The following PDE10A variants were observed in gnomAD, a reference collection of about 807,000 sequenced individuals.
The protein encoded by PDE10A is cAMP and cAMP-inhibited cGMP 3',5'-cyclic phosphodiesterase 10A.
Under a neutral mutation model 97.7 loss-of-function variants are expected in PDE10A, and 39 were observed. The observed-to-expected ratio is 0.40, with a 90% CI of 0.31 to 0.52. PDE10A has a LOEUF of 0.52. PDE10A is among the 20% of genes least tolerant of loss of function. The pLI, the probability that PDE10A is intolerant of heterozygous loss-of-function variation, is 0.56. For missense variants in PDE10A, 731 were observed against 1,047.8 expected (o/e 0.70, Z 4.17); for synonymous variants, 371 against 376.8 (o/e 0.98, Z 0.18).
chr6:165,392,588 C>A (rs953192307), intron 16 of PDE10A, 58 bp downstream of exon 16: 50 of 1,507,590 alleles, frequency 3.3e-5, no homozygotes, highest in Non-Finnish European at 3.8e-5. Flanking sequence ...GTGCTCCTGA[C>A]ACACAGTATT....
intron 1 of PDE10A, among the ~76,000 whole-genome samples, chr6:165,886,870 C>T (rs1781644842): frequency 6.6e-6 from 1 of 152,180 alleles, no homozygotes; most frequent in South Asian, 2.1e-4. Context: ...CACTGGGAAG[C>T]ATAATGCCAT....
At chr6:165,446,651 G>A (rs1790869303) in intron 5 of PDE10A, among the ~76,000 whole-genome samples, 1 of 152,202 alleles carries the variant, frequency 6.6e-6, no homozygotes, top group Non-Finnish European at 1.5e-5. Context: ...TGTAATCACA[G>A]ACTCAGCTAT....
At chr6:165,692,119 T>G (rs1046430251) in intron 1 of PDE10A, among the ~76,000 whole-genome samples, 1 of 152,192 alleles carries the variant, frequency 6.6e-6, no homozygotes, top group African/African-American at 2.4e-5. Context: ...TAGACCTGGT[T>G]CCTGGGCCGG....
At chr6:165,621,671 G>A (rs897453301) in intron 1 of PDE10A, among the ~76,000 whole-genome samples, 4 of 151,930 alleles carry the variant, frequency 2.6e-5, no homozygotes, top group South Asian at 2.1e-4. Context: ...CACCAGAATC[G>A]CTTGAACCTG....
intron 3 of PDE10A, among the ~76,000 whole-genome samples, chr6:165,457,319 G>A (rs187518402): frequency 4.7e-5 from 7 of 148,434 alleles, no homozygotes; most frequent in Admixed American, 2.7e-4. Context: ...TTCGTAATTC[G>A]AGACGAGTTA....
In PDE10A at chr6:165,336,734, C is replaced by T. The variant is rs909127703; in HGVS notation, c.2977-523G>A. 6.3e-5 allele frequency among the ~76,000 whole-genome samples: 8 copies of T among 127,638 alleles called. No homozygotes were observed. The East Asian group carries it at 9.3e-4, about 15-fold the overall frequency. The allele number at this position is 127,638 out of a possible 152,430, so 83.7% of individuals were successfully genotyped here. A position where few individuals can be genotyped will look rare whatever the true frequency, so the allele number is the denominator to read the frequency against. ...ACTGCAGTCCGCAGTCCGGCCTGGG[C>T]GACAGAGCGAGACTCCGTCTCAAAA... On this transcript the variant is annotated intron_variant, in intron 20 of 21. Transcript: ENST00000539869.
rs1790265176 is a variant in PDE10A, at chr6:165,661,595, T to C, written c.865+352A>G. 4.0e-6 allele frequency: 1 copy of C among 249,868 alleles called. No homozygotes were observed. The highest frequency in any genetic ancestry group is 2.3e-5 in the African/African-American group (1 of 43,988). 15.5% of individuals were successfully genotyped at this position (249,868 alleles called of 1,614,324 possible). A position where few individuals can be genotyped will look rare whatever the true frequency, so the allele number is the denominator to read the frequency against. ...GGGAGGAACCTAAGTGGTCACAAAG[T>C]TGAGTATAAATACGCGCCGGACAAG... On this transcript the variant is annotated intron_variant, in intron 1 of 21. Coordinates refer to ENST00000539869, the MANE Select transcript of PDE10A (RefSeq NM_001385079.1). This position sits in a 1 kb window ranked among gnomAD's most constrained non-coding sequence, Gnocchi z 4.8.
At chr6:165,421,166 G>A (rs1788665877) in intron 10 of PDE10A, among the ~76,000 whole-genome samples, 1 of 152,212 alleles carries the variant, frequency 6.6e-6, no homozygotes. Flanking sequence ...ATGAGCCTGG[G>A]TGTGGTGGCT....
intron 1 of PDE10A, among the ~76,000 whole-genome samples, chr6:165,726,636 C>G (rs1792303689): frequency 6.6e-6 from 1 of 152,188 alleles, no homozygotes; most frequent in Admixed American, 6.5e-5. Flanking sequence ...GGCCCGCATC[C>G]TTGTCTGTTC....
At chr6:165,336,507 T>C (rs1398306982) in intron 20 of PDE10A, among the ~76,000 whole-genome samples, 2 of 151,878 alleles carry the variant, frequency 1.3e-5, no homozygotes, top group Non-Finnish European at 2.9e-5. Flanking sequence ...CCCAGCACTT[T>C]GGGAGGCCGA....
At chr6:165,494,782 G>C (rs1780445484) in intron 2 of PDE10A, among the ~76,000 whole-genome samples, 1 of 152,164 alleles carries the variant, frequency 6.6e-6, no homozygotes, top group East Asian at 1.9e-4. Context: ...TAAGTAGCCT[G>C]CTTTCTGTGC....
intron 1 of PDE10A, among the ~76,000 whole-genome samples, chr6:165,736,298 T>G (rs1342694954): frequency 6.6e-6 from 1 of 152,188 alleles, no homozygotes; most frequent in African/African-American, 2.4e-5. Flanking sequence ...ACCATCCACA[T>G]GCAAAAATGG....
chr6:165,605,956 T>C (rs1055744092), intron 1 of PDE10A, among the ~76,000 whole-genome samples: 1 of 152,146 alleles, frequency 6.6e-6, no homozygotes, highest in Non-Finnish European at 1.5e-5. Flanking sequence ...TGTTTCTCCC[T>C]ATAATATCCT....
At chr6:165,666,654 C>A (rs1226928350), upstream of PDE10A, among the ~76,000 whole-genome samples, 1 of 152,074 alleles carries the variant, frequency 6.6e-6, no homozygotes, top group Admixed American at 6.6e-5. Flanking sequence ...CCCGGCCCCC[C>A]ACCCCCGCAG....
At chr6:165,447,053 T>G (rs1790900721) in intron 5 of PDE10A, among the ~76,000 whole-genome samples, 1 of 151,990 alleles carries the variant, frequency 6.6e-6, no homozygotes, top group Non-Finnish European at 1.5e-5. Context: ...TAAGAGGAAC[T>G]ACTTCATTGA....
At chr6:165,837,248 G>A (rs2128472197) in intron 1 of PDE10A, among the ~76,000 whole-genome samples, 1 of 152,100 alleles carries the variant, frequency 6.6e-6, no homozygotes, top group African/African-American at 2.4e-5. Flanking sequence ...TAGAGGCCCA[G>A]AGAAATGAAA....
chr6:165,719,372 A>G (rs1792107395), intron 1 of PDE10A, among the ~76,000 whole-genome samples: 1 of 152,214 alleles, frequency 6.6e-6, no homozygotes, highest in Non-Finnish European at 1.5e-5. Flanking sequence ...AGCAGCCAGC[A>G]GGAAGAAAAG....
intron 18 of PDE10A, among the ~76,000 whole-genome samples, chr6:165,372,632 T>C (rs1305531686): frequency 2.6e-5 from 4 of 151,262 alleles, no homozygotes; most frequent in East Asian, 3.9e-4. Context: ...AGAATCAATA[T>C]TGTGAAAATC....
intron 18 of PDE10A, among the ~76,000 whole-genome samples, chr6:165,356,310 C>A (rs563860219): frequency 6.6e-6 from 1 of 152,234 alleles, no homozygotes; most frequent in Admixed American, 6.5e-5. Context: ...GGTACATACA[C>A]CACCCTGGTT....
Sources: allele counts gnomAD v4.1 joint callset (sites outside exome capture counted in the v4.1 genomes callset), GRCh38; gene constraint gnomAD v4.1.1; non-coding constraint Gnocchi (gnomAD v3.1); transcripts MANE v1.5; gene names NCBI Gene and HGNC (gene_info 2026-07-23, HGNC 2026-07-21).